Variants in ATP10B observed in about 807,000 individuals in gnomAD.
ATP10B encodes ATPase phospholipid transporting 10B (putative).
A neutral mutation model predicts 141.2 loss-of-function variants in ATP10B; 122 were observed. That is an observed-to-expected ratio of 0.86 (90% CI 0.75 to 1.00). The LOEUF is 1.00. Among genes scored for constraint, ATP10B ranks in the 50% least tolerant of loss-of-function variants. The pLI is 0.00. For synonymous variants in ATP10B, 685 were observed against 692.0 expected (o/e 0.99, Z 0.16); for missense variants, 1,876 against 1,825.3 (o/e 1.03, Z -0.51).
In ATP10B at chr5:160,840,865, T is replaced by C. The variant is rs551056619; in HGVS notation, c.-576+11076A>G. On this transcript the variant is annotated intron_variant, in intron 1 of 25. Coordinates refer to ENST00000327245, the MANE Select transcript of ATP10B (RefSeq NM_025153.3). ...ATGAAAAGCTATTTAAGTTAATTCA[T>C]GTTAAGATAAATGCAAGTTAAAATT... is the stretch of plus-strand genomic sequence containing the variant. Among the ~76,000 whole-genome samples the C allele has an allele frequency of 1.6e-4, 24 of 152,302 alleles. No individual in the cohort carries two copies. In the East Asian group the frequency reaches 4.4e-3, roughly 28 times the overall value.
chr5:160,575,641 C>T (rs1755145765), intron 24 of ATP10B, among the ~76,000 whole-genome samples: 1 of 151,950 alleles, frequency 6.6e-6, no homozygotes, highest in African/African-American at 2.4e-5. Context: ...ATTCATTTTT[C>T]ATATAACAAC....
intron 3 of ATP10B, among the ~76,000 whole-genome samples, chr5:160,698,223 A>C (rs1197330628): frequency 6.6e-6 from 1 of 152,156 alleles, no homozygotes; most frequent in Non-Finnish European, 1.5e-5. Flanking sequence ...TTCCGTGAAT[A>C]GCATCTCTGT....
intron 2 of ATP10B, among the ~76,000 whole-genome samples, chr5:160,721,634 T>G (rs1176582803): frequency 3.9e-5 from 6 of 152,182 alleles, no homozygotes; most frequent in Admixed American, 1.3e-4. Flanking sequence ...TCAGCTAAGA[T>G]GGGCCACATT....
chr5:160,778,682 T>G (rs548284780), intron 2 of ATP10B, among the ~76,000 whole-genome samples: 5 of 152,148 alleles, frequency 3.3e-5, no homozygotes, highest in Non-Finnish European at 4.4e-5. Context: ...TTGACTTTTT[T>G]AAAATTACAG....
At chr5:160,818,916 A>G (rs1214448469) in intron 1 of ATP10B, among the ~76,000 whole-genome samples, 2 of 152,036 alleles carry the variant, frequency 1.3e-5, no homozygotes, top group East Asian at 3.9e-4. Flanking sequence ...ACCAAATACC[A>G]CATGTTCTCA....
At chr5:160,807,353 G>T (rs185190577) in intron 1 of ATP10B, among the ~76,000 whole-genome samples, 1 of 152,126 alleles carries the variant, frequency 6.6e-6, no homozygotes, top group African/African-American at 2.4e-5. Context: ...CATATGCCTA[G>T]ATTACCTATT....
chr5:160,824,770 C>T (rs988639569), intron 1 of ATP10B, among the ~76,000 whole-genome samples: 1 of 152,082 alleles, frequency 6.6e-6, no homozygotes, highest in African/African-American at 2.4e-5. Flanking sequence ...TATATGCAAT[C>T]TTTCATTGAC....
intron 25 of ATP10B, among the ~76,000 whole-genome samples, chr5:160,566,344 A>G (rs1447620362): frequency 6.6e-6 from 1 of 152,108 alleles, no homozygotes; most frequent in Non-Finnish European, 1.5e-5. Context: ...TTTCTGGGCT[A>G]CTCCAATTTA....
chr5:160,703,613 G>A (rs762682637), intron 3 of ATP10B, among the ~76,000 whole-genome samples: 6 of 150,530 alleles, frequency 4.0e-5, no homozygotes, highest in South Asian at 2.1e-4. Flanking sequence ...GGTAGCTGGG[G>A]CTACAGGCAC....
At chr5:160,923,936 G>T in the ATP10B span, among the ~76,000 whole-genome samples, 4 of 152,226 alleles carry the variant, frequency 2.6e-5, no homozygotes, top group Admixed American at 6.5e-5. Flanking sequence ...ATGGGGCTGA[G>T]GCGCCTTGGA....
At chr5:160,806,939 A>G (rs1053147959) in intron 1 of ATP10B, among the ~76,000 whole-genome samples, 2 of 152,170 alleles carry the variant, frequency 1.3e-5, no homozygotes, top group African/African-American at 4.8e-5. Context: ...TCCTTCATGT[A>G]GGAGGTCAAC....
intron 2 of ATP10B, 65 bp from the exon 3 acceptor site, chr5:160,717,099 T>A: frequency 1.1e-6 from 1 of 943,736 alleles, no homozygotes. Context: ...GCTATTTATA[T>A]AAGGTTTAAA....
At chr5:160,615,206 C>T (rs1431151460) in intron 17 of ATP10B, among the ~76,000 whole-genome samples, 7 of 152,130 alleles carry the variant, frequency 4.6e-5, no homozygotes, top group Admixed American at 4.6e-4. Flanking sequence ...GCTGACCTTT[C>T]CTGCCTTCCA....
chr5:160,705,198 G>T (rs554657116), intron 3 of ATP10B, among the ~76,000 whole-genome samples: 2 of 151,984 alleles, frequency 1.3e-5, no homozygotes, highest in African/African-American at 4.8e-5. Context: ...GATTACAGGC[G>T]TGAGCCACGG....
At chr5:160,808,809 C>T (rs1772955285) in intron 1 of ATP10B, among the ~76,000 whole-genome samples, 2 of 152,122 alleles carry the variant, frequency 1.3e-5, no homozygotes, top group African/African-American at 4.8e-5. Flanking sequence ...AACAAAGTGC[C>T]CCAAAACAAG....
intron 1 of ATP10B, among the ~76,000 whole-genome samples, chr5:160,818,514 G>A (rs1314265693): frequency 6.6e-6 from 1 of 152,220 alleles, no homozygotes; most frequent in Non-Finnish European, 1.5e-5. Flanking sequence ...TGCTGGAAAG[G>A]ATGTGGAGAA....
chr5:160,829,425 C>T (rs35995540), intron 1 of ATP10B, among the ~76,000 whole-genome samples: 88,267 of 151,788 alleles, frequency 0.58, 28,627 homozygotes, highest in East Asian at 0.85. Context: ...CTCAGGATTG[C>T]TATTTGCACT....
At chr5:160,652,625 A>C (rs1213187523) in intron 7 of ATP10B, among the ~76,000 whole-genome samples, 1 of 138,112 alleles carries the variant, frequency 7.2e-6, no homozygotes, top group Non-Finnish European at 1.5e-5. Context: ...GACCTGACGA[A>C]TTTTATATTT....
intron 1 of ATP10B, among the ~76,000 whole-genome samples, chr5:160,819,451 A>T (rs186925593): frequency 1.8e-3 from 274 of 152,346 alleles, no homozygotes; most frequent in African/African-American, 6.4e-3. Flanking sequence ...ATCTGAAGAA[A>T]ATGACATTAA....
Sources: allele counts gnomAD v4.1 joint callset (sites outside exome capture counted in the v4.1 genomes callset), GRCh38; gene constraint gnomAD v4.1.1; transcripts MANE v1.5; gene names NCBI Gene and HGNC (gene_info 2026-07-23, HGNC 2026-07-21).